The following PDZRN3 variants were observed in gnomAD, a reference collection of about 807,000 sequenced individuals.
The protein encoded by PDZRN3 is E3 ubiquitin-protein ligase PDZRN3.
In PDZRN3, 38 loss-of-function variants were observed where a neutral mutation model predicts 85.7. That is an observed-to-expected ratio of 0.44 (90% CI 0.34 to 0.58). The LOEUF (loss-of-function observed/expected upper bound fraction) is 0.58. Ranked by LOEUF, PDZRN3 falls within the 20% of genes least tolerant of loss-of-function variation. PDZRN3 has a pLI of 0.01. For synonymous variants in PDZRN3, 759 were observed against 638.0 expected, an observed-to-expected ratio of 1.19 and a Z score of -2.86; for missense variants, 1,629 against 1,506.4, an observed-to-expected ratio of 1.08 and a Z score of -1.35.
chr3:73,437,864 C>G (rs1559679653), intron 3 of PDZRN3, among the ~76,000 whole-genome samples: 1 of 151,986 alleles, frequency 6.6e-6, no homozygotes, highest in Non-Finnish European at 1.5e-5. Context: ...TGATACACAC[C>G]CTACCATTTA....
intron 3 of PDZRN3, among the ~76,000 whole-genome samples, chr3:73,600,400 C>T (rs913952809): frequency 6.7e-6 from 1 of 150,098 alleles, no homozygotes; most frequent in Non-Finnish European, 1.5e-5. Context: ...TGGTAATAAA[C>T]TCAGACGCAG....
At position 73,408,588 on chromosome 3, in the gene PDZRN3, A is replaced by AGC. The variant is rs1553685345; in HGVS notation, c.919-4194_919-4193insGC. ...GCCCTCGAGTTGGGATTCTTGGAGG[A>AGC]GGGGGGGGGGTGCAACAGAAAAATT... On this transcript the variant is annotated intron_variant, in intron 3 of 9. Transcript: ENST00000263666. 6.8e-5 allele frequency among the ~76,000 whole-genome samples: 10 copies of AGC among 146,478 alleles called. 1 individual carries two copies. Among genetic ancestry groups the AGC allele is most frequent in the African/African-American group, 2.6e-4 (10 of 38,936 alleles).
At chr3:73,614,042 T>C (rs1173172199) in intron 1 of PDZRN3, among the ~76,000 whole-genome samples, 2 of 152,204 alleles carry the variant, frequency 1.3e-5, no homozygotes, top group Admixed American at 1.3e-4. Flanking sequence ...CAAGCTCACT[T>C]TTCAAGAAGA....
chr3:73,569,204 G>C (rs1001973273), intron 3 of PDZRN3: 1 of 1,289,236 alleles, frequency 7.8e-7, no homozygotes, highest in Non-Finnish European at 1.0e-6. Context: ...GGAGGAATCA[G>C]ATTTCTGAAG....
chr3:73,470,880 A>G (rs1703324329), intron 3 of PDZRN3, among the ~76,000 whole-genome samples: 1 of 152,220 alleles, frequency 6.6e-6, no homozygotes. Flanking sequence ...TTAACCTTCA[A>G]TGAAAATATC....
In PDZRN3 at chr3:73,602,473, A is replaced by G. The variant is rs1206148329; in HGVS notation, c.811-12T>C. The G allele has an allele frequency of 5.2e-6, 7 of 1,346,546 alleles. No homozygotes were observed. The highest frequency in any genetic ancestry group is 1.4e-5 in the African/African-American group (1 of 69,008). 83.4% of individuals were successfully genotyped at this position (1,346,546 alleles called of 1,614,324 possible). A position where few individuals can be genotyped will look rare whatever the true frequency, so the allele number is the denominator to read the frequency against. ...CCATCGTGGTTATCCTTTGGGTTAA[A>G]AAAAAAAACATGCATGAATGCTAGG... On this transcript the variant is annotated splice_polypyrimidine_tract_variant and intron_variant, in intron 2 of 9. Coordinates refer to ENST00000263666, the MANE Select transcript of PDZRN3 (RefSeq NM_015009.3).
chr3:73,584,021 G>T (rs978706489), intron 3 of PDZRN3, among the ~76,000 whole-genome samples: 1 of 151,888 alleles, frequency 6.6e-6, no homozygotes, highest in African/African-American at 2.4e-5. Flanking sequence ...TCTGTAACAT[G>T]AAGCCACCAA....
intron 3 of PDZRN3, among the ~76,000 whole-genome samples, chr3:73,411,207 G>A (rs1021221551): frequency 2.0e-5 from 3 of 152,210 alleles, no homozygotes; most frequent in African/African-American, 7.2e-5. Flanking sequence ...GTCTTGGAGT[G>A]TTTGCAAAAT....
chr3:73,561,286 C>A (rs1331833337), intron 3 of PDZRN3, among the ~76,000 whole-genome samples: 1 of 152,198 alleles, frequency 6.6e-6, no homozygotes. Context: ...AGCTGTCAAC[C>A]TTTCAACCAT....
chr3:73,624,554 C>T lies in PDZRN3; in HGVS notation c.272G>A (p.Arg91Gln). 2.0e-6 allele frequency: 3 copies of T among 1,520,282 alleles called. No homozygotes were observed. Among genetic ancestry groups the T allele is most frequent in the Non-Finnish European group, 8.8e-7 (1 of 1,139,748 alleles). The allele number at this position is 1,520,282 out of a possible 1,614,324, so 94.2% of individuals were successfully genotyped here. A position where few individuals can be genotyped will look rare whatever the true frequency, so the allele number is the denominator to read the frequency against. The change falls in exon 1 of 10, where the codon CGG becomes CAG. Residue 91 changes from arginine (R) to glutamine (Q), a missense_variant. Transcript: ENST00000263666. ...CGGCAGCTGCTGCAGCTTGACCACC[C>T]GGCCGCAGCCGCGCGTCGCGTACGC... ...KCAYATRGCGRVVKLQQLPEH... is the reference protein window; with the variant it reads ...KCAYATRGCGQVVKLQQLPEH...
chr3:73,474,633 A>G, intron 3 of PDZRN3: 2 of 1,218,992 alleles, frequency 1.6e-6, no homozygotes, highest in South Asian at 3.0e-5. Flanking sequence ...AGCAAATGCT[A>G]TGGTTGTGGC....
intron 3 of PDZRN3, among the ~76,000 whole-genome samples, chr3:73,440,866 G>A (rs943209443): frequency 6.6e-6 from 1 of 152,088 alleles, no homozygotes; most frequent in Non-Finnish European, 1.5e-5. Context: ...ACTAACAGTC[G>A]GGCAGTCCTC....
At chr3:73,444,464 T>A (rs1014783333) in intron 3 of PDZRN3, among the ~76,000 whole-genome samples, 6 of 152,228 alleles carry the variant, frequency 3.9e-5, no homozygotes, top group Non-Finnish European at 7.3e-5. Flanking sequence ...CAACAAGTTC[T>A]TGAAGACAAA....
At position 73,383,421 on chromosome 3, in the gene PDZRN3, T is replaced by G; in HGVS notation, c.3145A>C (p.Lys1049Gln). Residue 1049 changes from lysine (K) to glutamine (Q), a missense_variant, in exon 10 of 10, where the codon AAA becomes CAA. Lys to Gln is a moderately conservative substitution (Grantham distance 53, BLOSUM62 1). Transcript: ENST00000263666. ...TIQELLTHGT[K>Q]SPDGTRVYNS... The stretch of plus-strand genomic sequence containing the variant: ...TATACTCTAGTGCCGTCCGGGGATT[T>G]TGTGCCGTGGGTTAAGAGTTCTTGG... 6.2e-7 allele frequency: 1 copy of G among 1,614,136 alleles called. No homozygotes were observed. Among genetic ancestry groups the G allele is most frequent in the Non-Finnish European group, 8.5e-7 (1 of 1,179,990 alleles).
chr3:73,607,932 A>C (rs1274093364), intron 2 of PDZRN3, among the ~76,000 whole-genome samples: 1 of 152,212 alleles, frequency 6.6e-6, no homozygotes, highest in Non-Finnish European at 1.5e-5. Context: ...GATGGTCAGG[A>C]AAAGAAAAGG....
intron 3 of PDZRN3, among the ~76,000 whole-genome samples, chr3:73,427,883 A>C (rs1702349105): frequency 1.3e-5 from 2 of 152,364 alleles, no homozygotes; most frequent in Middle Eastern, 3.4e-3. Context: ...GGTGATAAGC[A>C]AGCCAACAAA....
At chr3:73,419,760 C>A (rs974492616) in intron 3 of PDZRN3, among the ~76,000 whole-genome samples, 1 of 152,140 alleles carries the variant, frequency 6.6e-6, no homozygotes, top group African/African-American at 2.4e-5. Context: ...TGGCCATATA[C>A]GTGTCTTAAT....
intron 3 of PDZRN3, among the ~76,000 whole-genome samples, chr3:73,487,482 G>C (rs1292170560): frequency 6.6e-6 from 1 of 152,078 alleles, no homozygotes; most frequent in Non-Finnish European, 1.5e-5. Context: ...CCGAGGGGTG[G>C]ACTAATCAGT....
chr3:73,384,865 C>A lies in PDZRN3; in HGVS notation c.1701G>T (p.Lys567Asn). Reference protein sequence around the residue: ...TATILSNQHEKDSGVGRTDES... With the variant: ...TATILSNQHENDSGVGRTDES... ...CGTCGGTCCGCCCCACACCGCTGTCCTTCTCGTGCTGGTTGGACAAGATGG... is the reference window on the plus strand; with the variant it reads ...CGTCGGTCCGCCCCACACCGCTGTCATTCTCGTGCTGGTTGGACAAGATGG... Residue 567 changes from lysine to asparagine, a missense_variant, in exon 10 of 10, where the codon AAG becomes AAT. Transcript: ENST00000263666. The A allele has an allele frequency of 6.2e-7, 1 of 1,613,960 alleles. No homozygotes were observed. The highest frequency in any genetic ancestry group is 8.5e-7 in the Non-Finnish European group (1 of 1,179,862).
Sources: allele counts gnomAD v4.1 joint callset (sites outside exome capture counted in the v4.1 genomes callset), GRCh38; gene constraint gnomAD v4.1.1; transcripts MANE v1.5; gene names NCBI Gene and HGNC (gene_info 2026-07-23, HGNC 2026-07-21).